Variants in DYNC2LI1 observed in about 807,000 individuals in gnomAD.
The protein encoded by DYNC2LI1 is cytoplasmic dynein 2 light intermediate chain 1.
DYNC2LI1 carries 45 observed loss-of-function variants against 51.9 expected under a neutral mutation model. The ratio of observed to expected loss-of-function variants is 0.87; its 90% CI spans 0.68 to 1.11. The LOEUF (loss-of-function observed/expected upper bound fraction) is 1.11. Among genes scored for constraint, DYNC2LI1 ranks in the 50% most tolerant of loss-of-function variants. DYNC2LI1 has a pLI of 0.00. For missense variants in DYNC2LI1, 490 were observed against 417.4 expected (o/e 1.17, Z -1.51); for synonymous variants, 130 against 137.8 (o/e 0.94, Z 0.40).
downstream of DYNC2LI1, chr2:43,810,550 A>G (rs1054579684): frequency 3.1e-6 from 3 of 979,054 alleles, no homozygotes; most frequent in Non-Finnish European, 3.6e-6. Context: ...ATGATTAAAA[A>G]TGATTTATTC....
chr2:43,823,529 G>T, the DYNC2LI1 span, among the ~76,000 whole-genome samples: 1 of 152,136 alleles, frequency 6.6e-6, no homozygotes, highest in Non-Finnish European at 1.5e-5. Context: ...ATTAGGTGCT[G>T]GCTGTCCTAA....
At chr2:43,784,091 C>T (rs1673410183) in intron 3 of DYNC2LI1, among the ~76,000 whole-genome samples, 3 of 152,216 alleles carry the variant, frequency 2.0e-5, no homozygotes, top group African/African-American at 7.2e-5. Context: ...AGATATTTCT[C>T]TGTTCCCTTC....
chr2:43,790,999 G>C (rs1673756110), intron 5 of DYNC2LI1, among the ~76,000 whole-genome samples: 1 of 152,142 alleles, frequency 6.6e-6, no homozygotes, highest in South Asian at 2.1e-4. Context: ...TGGATCACTT[G>C]AGGTCTGGAG....
chr2:43,797,515 C>CTTTTTTTTTTT (rs557695536), intron 8 of DYNC2LI1, among the ~76,000 whole-genome samples: 1 of 110,696 alleles, frequency 9.0e-6, no homozygotes, highest in Non-Finnish European at 1.7e-5. Flanking sequence ...AATATAACAA[C>CTTTTTTTTTTT]TTTTTTTTTT....
At chr2:43,802,440 A>C (rs1666107446) in intron 10 of DYNC2LI1, among the ~76,000 whole-genome samples, 1 of 150,448 alleles carries the variant, frequency 6.6e-6, no homozygotes, top group Admixed American at 6.6e-5. Context: ...ACTTGACTTC[A>C]AATATAGAAA....
intron 10 of DYNC2LI1, among the ~76,000 whole-genome samples, chr2:43,803,122 A>G (rs1451178916): frequency 1.3e-5 from 2 of 152,220 alleles, no homozygotes; most frequent in African/African-American, 4.8e-5. Flanking sequence ...GTTTCTTACG[A>G]AACTAAACAT....
downstream of DYNC2LI1, chr2:43,812,946 C>G (rs1666557881): frequency 3.2e-6 from 2 of 627,392 alleles, no homozygotes; most frequent in Non-Finnish European, 2.9e-6. Flanking sequence ...AAACCACTTC[C>G]ATTGCATTCA....
intron 8 of DYNC2LI1, among the ~76,000 whole-genome samples, chr2:43,798,232 AG>A (rs1158335298): frequency 2.0e-5 from 3 of 152,216 alleles, no homozygotes; most frequent in African/African-American, 7.2e-5. Context: ...TTTCATGGCT[AG>A]AATATTTTAA....
At chr2:43,825,025 A>T in the DYNC2LI1 span, 486 of 1,613,330 alleles carry the variant, frequency 3.0e-4, no homozygotes, top group Non-Finnish European at 3.9e-4. Context: ...AGAGCTGACC[A>T]GACAACAGAC....
intron 5 of DYNC2LI1, among the ~76,000 whole-genome samples, chr2:43,792,365 T>C (rs1673829639): frequency 6.6e-6 from 1 of 152,210 alleles, no homozygotes. Context: ...AATTTTGTGC[T>C]ATGTCTTCTA....
the DYNC2LI1 span, among the ~76,000 whole-genome samples, chr2:43,822,313 T>TGAAACTCTCTCCTTCCTC: frequency 6.6e-6 from 1 of 152,318 alleles, no homozygotes; most frequent in African/African-American, 2.4e-5. Flanking sequence ...GACACTTCCT[T>TGAAACTCTCTCCTTCCTC]GAAACTCTCT....
chr2:43,828,051 C>A, the DYNC2LI1 span: 1 of 1,614,154 alleles, frequency 6.2e-7, no homozygotes, highest in Non-Finnish European at 8.5e-7. Context: ...GCCCCCCAAG[C>A]TGTAGTTGCC....
intron 8 of DYNC2LI1, among the ~76,000 whole-genome samples, chr2:43,797,159 G>T (rs1420730686): frequency 6.6e-6 from 1 of 152,140 alleles, no homozygotes; most frequent in Non-Finnish European, 1.5e-5. Flanking sequence ...TGTGTATTGG[G>T]GATGGGGGCT....
chr2:43,780,131 C>G (rs1395460278), intron 2 of DYNC2LI1, among the ~76,000 whole-genome samples: 3 of 152,140 alleles, frequency 2.0e-5, no homozygotes, highest in East Asian at 3.9e-4. Context: ...AGACCTTTCA[C>G]TAAGGTCAAA....
intron 4 of DYNC2LI1, among the ~76,000 whole-genome samples, chr2:43,789,172 C>T (rs1673662373): frequency 6.6e-6 from 1 of 152,178 alleles, no homozygotes. Context: ...TGTCCCTTTT[C>T]TTCATGCTTT....
At chr2:43,827,339 A>ATT in the DYNC2LI1 span, among the ~76,000 whole-genome samples, 1 of 151,946 alleles carries the variant, frequency 6.6e-6, no homozygotes, top group Non-Finnish European at 1.5e-5. Flanking sequence ...AAAAAAAAAA[A>ATT]AAAGTGACAA....
intron 5 of DYNC2LI1, chr2:43,792,965 G>A (rs1484646735): frequency 2.5e-5 from 15 of 609,334 alleles, no homozygotes; most frequent in Admixed American, 4.0e-5. Context: ...ATGAACATTG[G>A]TGTACATTAT....
chr2:43,827,452 C>T, the DYNC2LI1 span, among the ~76,000 whole-genome samples: 1 of 152,144 alleles, frequency 6.6e-6, no homozygotes, highest in Non-Finnish European at 1.5e-5. Flanking sequence ...GATCCAGATG[C>T]AGTTTGTCCT....
chr2:43,801,542 T>G, intron 9 of DYNC2LI1, 97 bp from the exon 10 acceptor site: 1 of 848,634 alleles, frequency 1.2e-6, no homozygotes, highest in Non-Finnish European at 1.9e-6. Flanking sequence ...TGGCTAAATG[T>G]AAAACTAGCC....
Sources: gnomAD v4.1 joint callset for allele counts (sites outside exome capture counted in the v4.1 genomes callset) on GRCh38, gnomAD v4.1.1 for gene constraint, MANE v1.5 for transcripts, NCBI Gene and HGNC (gene_info 2026-07-23, HGNC 2026-07-21) for gene names.